The following PTPRK variants were observed in gnomAD, a reference collection of about 807,000 sequenced individuals.
PTPRK encodes protein tyrosine phosphatase receptor type K.
Under a neutral mutation model 178.0 loss-of-function variants are expected in PTPRK, and 75 were observed. That is an observed-to-expected ratio of 0.42 (90% CI 0.35 to 0.51). PTPRK has a LOEUF of 0.51. Among genes scored for constraint, PTPRK ranks in the 20% least tolerant of loss-of-function variants. PTPRK has a pLI of 0.02. For missense variants in PTPRK, 1,441 were observed against 1,797.8 expected (o/e 0.80, Z 3.59); for synonymous variants, 637 against 620.6 (o/e 1.03, Z -0.39).
chr6:128,029,141 T>A (rs1338892457), intron 13 of PTPRK, among the ~76,000 whole-genome samples: 1 of 152,110 alleles, frequency 6.6e-6, no homozygotes, highest in Non-Finnish European at 1.5e-5. Flanking sequence ...AATGCCTTGG[T>A]GCCATCCTCA....
At chr6:128,415,227 G>C (rs1178856896) in intron 1 of PTPRK, among the ~76,000 whole-genome samples, 1 of 152,040 alleles carries the variant, frequency 6.6e-6, no homozygotes, top group Non-Finnish European at 1.5e-5. Context: ...TCCTCCCAAC[G>C]ATCTCAGAAT....
chr6:128,297,240 C>A (rs1348649054), intron 3 of PTPRK, among the ~76,000 whole-genome samples: 2 of 152,018 alleles, frequency 1.3e-5, no homozygotes, highest in African/African-American at 4.8e-5. Context: ...CCTGAGTGAC[C>A]TACAAAGAGA....
chr6:128,229,623 C>T (rs1811966771), intron 5 of PTPRK, among the ~76,000 whole-genome samples: 1 of 152,064 alleles, frequency 6.6e-6, no homozygotes, highest in African/African-American at 2.4e-5. Flanking sequence ...AGCAAGGAAG[C>T]TCTCAAAGCC....
intron 2 of PTPRK, among the ~76,000 whole-genome samples, chr6:128,359,850 A>T (rs17055777): frequency 2.3e-4 from 35 of 152,204 alleles, no homozygotes; most frequent in African/African-American, 8.0e-4. Flanking sequence ...TAATAAGTGA[A>T]GAATTAGCCA....
intron 2 of PTPRK, among the ~76,000 whole-genome samples, chr6:128,368,001 C>T (rs541661280): frequency 9.3e-4 from 141 of 152,262 alleles, no homozygotes; most frequent in Non-Finnish European, 1.7e-3. Context: ...AATGTGCATA[C>T]ATAACCTTCC....
chr6:128,247,217 G>A (rs1400644067), intron 3 of PTPRK, among the ~76,000 whole-genome samples: 1 of 152,098 alleles, frequency 6.6e-6, no homozygotes, highest in African/African-American at 2.4e-5. Context: ...AGATATTACA[G>A]ATACTAGAAA....
intron 4 of PTPRK, among the ~76,000 whole-genome samples, chr6:128,241,886 A>C (rs1814529315): frequency 6.9e-6 from 1 of 145,632 alleles, no homozygotes; most frequent in Non-Finnish European, 1.5e-5. Context: ...GGTTCAAGTG[A>C]TTGTCCTGCC....
At chr6:128,480,241 G>A (rs977217625) in intron 1 of PTPRK, among the ~76,000 whole-genome samples, 4 of 152,038 alleles carry the variant, frequency 2.6e-5, no homozygotes, top group Non-Finnish European at 4.4e-5. Context: ...CCCCTTTCGC[G>A]CTTGTTCTTC....
At chr6:128,066,792 G>A (rs948700811) in intron 12 of PTPRK, among the ~76,000 whole-genome samples, 2 of 152,124 alleles carry the variant, frequency 1.3e-5, no homozygotes, top group Non-Finnish European at 2.9e-5. Flanking sequence ...GGCATGAAAG[G>A]CCAGGTTGTT....
chr6:128,013,920 A>G (rs1368984767), intron 13 of PTPRK, among the ~76,000 whole-genome samples: 1 of 151,496 alleles, frequency 6.6e-6, no homozygotes, highest in East Asian at 1.9e-4. Context: ...CAACTGTATC[A>G]TATCACTTCA....
At chr6:128,357,493 G>C (rs1834115008) in intron 2 of PTPRK, among the ~76,000 whole-genome samples, 1 of 152,122 alleles carries the variant, frequency 6.6e-6, no homozygotes, top group South Asian at 2.1e-4. Context: ...ATGGGGAGGA[G>C]ACCTACATTT....
At chr6:128,037,835 T>A (rs1016906419) in intron 13 of PTPRK, among the ~76,000 whole-genome samples, 2 of 152,204 alleles carry the variant, frequency 1.3e-5, no homozygotes, top group Non-Finnish European at 2.9e-5. Context: ...ATAACATTCT[T>A]CTATTTGTCC....
At chr6:128,008,113 A>G (rs1562425248) in intron 14 of PTPRK, 1 of 1,278,518 alleles carries the variant, frequency 7.8e-7, no homozygotes, top group Non-Finnish European at 1.1e-6. Context: ...GTAAAGAGGC[A>G]ATATATTAAA....
chr6:128,368,165 C>T (rs1835781107), intron 2 of PTPRK, among the ~76,000 whole-genome samples: 1 of 151,962 alleles, frequency 6.6e-6, no homozygotes, highest in African/African-American at 2.4e-5. Flanking sequence ...AAAGCAAAGG[C>T]TCACACACAG....
At position 128,329,527 on chromosome 6, in the gene PTPRK, A is replaced by C. The variant is rs143078395; in HGVS notation, c.224-7217T>G. On this transcript the variant is annotated intron_variant, in intron 2 of 29. Coordinates refer to ENST00000368226, the MANE Select transcript of PTPRK (RefSeq NM_002844.4). ...CAAAGGCCTGAGAAACAGGACAGTC[A>C]ATGGTATAAATTCCAGTTCAAGTCC... Among the ~76,000 whole-genome samples, 4 of 152,256 alleles carry C rather than the reference A, an allele frequency of 2.6e-5. No individual in the cohort carries two copies. In the East Asian group the frequency reaches 7.7e-4, roughly 29 times the overall value.
intron 3 of PTPRK, among the ~76,000 whole-genome samples, chr6:128,286,612 C>T (rs1290074921): frequency 6.6e-6 from 1 of 152,098 alleles, no homozygotes; most frequent in Non-Finnish European, 1.5e-5. Flanking sequence ...TCATCTCTAC[C>T]TTTTGCAGGT....
intron 7 of PTPRK, among the ~76,000 whole-genome samples, chr6:128,110,936 C>A (rs1790547931): frequency 6.6e-6 from 1 of 152,128 alleles, no homozygotes; most frequent in Admixed American, 6.6e-5. Flanking sequence ...CCCAAATAGT[C>A]CAATTCAGCA....
chr6:128,502,252 T>C (rs1339485130), intron 1 of PTPRK, among the ~76,000 whole-genome samples: 1 of 152,206 alleles, frequency 6.6e-6, no homozygotes, highest in East Asian at 1.9e-4. Context: ...AATAGTCATA[T>C]CAGCACCTGA....
At chr6:128,152,570 C>G (rs996815017) in intron 7 of PTPRK, among the ~76,000 whole-genome samples, 12 of 148,434 alleles carry the variant, frequency 8.1e-5, no homozygotes, top group Admixed American at 8.0e-4. Context: ...AAAAAAAAAT[C>G]AATGTAGTGA....
Sources: gnomAD v4.1 joint callset for allele counts (sites outside exome capture counted in the v4.1 genomes callset) on GRCh38, gnomAD v4.1.1 for gene constraint, MANE v1.5 for transcripts, NCBI Gene and HGNC (gene_info 2026-07-23, HGNC 2026-07-21) for gene names.